The following FNTB variants were observed in gnomAD, a reference collection of about 807,000 sequenced individuals.
FNTB encodes farnesyltransferase, CAAX box, subunit beta.
A neutral mutation model predicts 59.4 loss-of-function variants in FNTB; 27 were observed. The ratio of observed to expected loss-of-function variants is 0.45; its 90% CI spans 0.34 to 0.63. FNTB has a LOEUF of 0.63. FNTB is among the 20% of genes least tolerant of loss of function. The pLI, the probability that FNTB is intolerant of heterozygous loss-of-function variation, is 0.02. For synonymous variants in FNTB, 230 were observed against 220.7 expected (o/e 1.04, Z -0.37); for missense variants, 449 against 559.6 (o/e 0.80, Z 1.99).
At chr14:65,042,004 T>C (rs1184225674) in intron 8 of FNTB, among the ~76,000 whole-genome samples, 1 of 152,194 alleles carries the variant, frequency 6.6e-6, no homozygotes, top group Non-Finnish European at 1.5e-5. Context: ...CTTGATATTT[T>C]TTTCTTTTAT....
rs529711994 is a variant in FNTB, at chr14:65,054,212, G to A, written c.1068-363G>A. ...ACTGCAGCCTTCACCTCTTGGGCTC[G>A]AGTGATCCTCCTGCTTCAGCCTCCC... On this transcript the variant is annotated intron_variant, in intron 10 of 11. Coordinates refer to ENST00000246166, the MANE Select transcript of FNTB (RefSeq NM_002028.4). The surrounding 1 kb of genome is among the most constrained non-coding windows in gnomAD (Gnocchi z 4.4). Among the ~76,000 whole-genome samples the A allele has an allele frequency of 1.1e-4, 17 of 152,088 alleles. No homozygotes were observed. Among genetic ancestry groups the A allele is most frequent in the Non-Finnish European group, 2.2e-4 (15 of 68,002 alleles).
chr14:65,061,060 T>C, intron 11 of FNTB, 121 bp from the exon 12 acceptor site: 1 of 1,486,086 alleles, frequency 6.7e-7, no homozygotes, highest in Non-Finnish European at 9.0e-7. Flanking sequence ...CCTTTGGGCT[T>C]TGTGTGTATC....
chr14:65,006,367 A>G lies in FNTB; in HGVS notation c.209+2054A>G, dbSNP rs532919128. Reference sequence around the variant, plus strand: ...CTAAACCAAATCTCTGCATTAACCCAATGCTCTGACCTCAATAAAATGAAT... The same window carrying G: ...CTAAACCAAATCTCTGCATTAACCCGATGCTCTGACCTCAATAAAATGAAT... On this transcript the variant is annotated intron_variant, in intron 2 of 11. Transcript: ENST00000246166. 1.9e-6 allele frequency: 3 copies of G among 1,578,310 alleles called. No homozygotes were observed. In the African/African-American group the frequency reaches 4.1e-5, roughly 22 times the overall value.
chr14:65,053,358 T>A lies in FNTB; in HGVS notation c.1067+9T>A. 7.1e-7 allele frequency: 1 copy of A among 1,414,996 alleles called. No individual in the cohort carries two copies. Among genetic ancestry groups the A allele is most frequent in the Non-Finnish European group, 9.3e-7 (1 of 1,075,584 alleles). 87.7% of individuals were successfully genotyped at this position (1,414,996 alleles called of 1,614,324 possible). A position where few individuals can be genotyped will look rare whatever the true frequency, so the allele number is the denominator to read the frequency against. On this transcript the variant is annotated intron_variant, in intron 10 of 11. Transcript: ENST00000246166. ...CTGGATAAACCTGGCAAGTGAGTGT[T>A]TTCTCTCTGGGGAGGGAAGGGAGAG...
chr14:65,031,235 GAAATA>G lies in FNTB; in HGVS notation c.606-1370_606-1366del, dbSNP rs2062075194. 6.6e-6 allele frequency among the ~76,000 whole-genome samples: 1 copy of G among 152,126 alleles called. No individual in the cohort carries two copies. The highest frequency in any genetic ancestry group is 1.5e-5 in the Non-Finnish European group (1 of 68,034). ...GTATACCATGACAGAGGGAGAAGCTGAAATAAAATGTGCCCCGAGAAGAATTAGGG... is the reference window on the plus strand; with the variant it reads ...GTATACCATGACAGAGGGAGAAGCTGAAATGTGCCCCGAGAAGAATTAGGG... On this transcript the variant is annotated intron_variant, in intron 6 of 11. Coordinates refer to ENST00000246166, the MANE Select transcript of FNTB (RefSeq NM_002028.4). The surrounding 1 kb of genome is among the most constrained non-coding windows in gnomAD (Gnocchi z 4.6).
At chr14:65,052,719 G>A (rs2062643364) in intron 9 of FNTB, among the ~76,000 whole-genome samples, 1 of 152,234 alleles carries the variant, frequency 6.6e-6, no homozygotes, top group South Asian at 2.1e-4. Flanking sequence ...TTTGAGCTGA[G>A]AGACAAGTTA....
intron 11 of FNTB, among the ~76,000 whole-genome samples, chr14:65,058,326 T>A (rs1051765461): frequency 1.3e-5 from 2 of 152,054 alleles, no homozygotes; most frequent in Non-Finnish European, 2.9e-5. Flanking sequence ...GAATCTTTTC[T>A]TATTTTCAGT....
At chr14:64,998,165 T>C (rs1220368499) in intron 1 of FNTB, among the ~76,000 whole-genome samples, 3 of 152,240 alleles carry the variant, frequency 2.0e-5, no homozygotes, top group Admixed American at 1.3e-4. Flanking sequence ...ATGAAGAAAG[T>C]ACTATTTGAG....
At position 65,026,881 on chromosome 14, in the gene FNTB, C is replaced by G. The variant is rs200768091; in HGVS notation, c.375-572C>G. 3.3e-5 allele frequency among the ~76,000 whole-genome samples: 5 copies of G among 151,424 alleles called. 1 individual carries two copies. The South Asian group carries it at 1.0e-3, about 32-fold the overall frequency. ...CGCCTCAAAAAAAAAAACAAAAAAA[C>G]AAAACTTGCTTCTTACTGGTGGAGT... On this transcript the variant is annotated intron_variant, in intron 4 of 11. Transcript: ENST00000246166.
At chr14:65,038,563 C>G (rs1259389291) in intron 7 of FNTB, among the ~76,000 whole-genome samples, 3 of 150,606 alleles carry the variant, frequency 2.0e-5, no homozygotes, top group African/African-American at 7.3e-5. Context: ...ACTAAAAATA[C>G]AAAAATTAGC....
intron 10 of FNTB, among the ~76,000 whole-genome samples, 162 bp downstream of exon 10, chr14:65,053,511 C>T (rs1365191720): frequency 1.3e-5 from 2 of 152,042 alleles, no homozygotes; most frequent in African/African-American, 4.8e-5. Context: ...TGGGAGCACC[C>T]CTTGAGGCCA....
Position 65,054,430 on chromosome 14 carries a change from T to G in FNTB, c.1068-145T>G. Reference sequence around the variant, plus strand: ...CAGCCAGTGGGGCTTTAAATAACACTGCTGGGAAAACCATGCCTCCTCTAG... The same window carrying G: ...CAGCCAGTGGGGCTTTAAATAACACGGCTGGGAAAACCATGCCTCCTCTAG... On this transcript the variant is annotated intron_variant, in intron 10 of 11. Coordinates refer to ENST00000246166, the MANE Select transcript of FNTB (RefSeq NM_002028.4). This position sits in a 1 kb window ranked among gnomAD's most constrained non-coding sequence, Gnocchi z 4.4. 1.3e-6 allele frequency: 1 copy of G among 782,966 alleles called. No individual in the cohort carries two copies. Among genetic ancestry groups the G allele is most frequent in the South Asian group, 1.7e-5 (1 of 58,018 alleles). The allele number at this position is 782,966 out of a possible 1,614,324, so 48.5% of individuals were successfully genotyped here. A position where few individuals can be genotyped will look rare whatever the true frequency, so the allele number is the denominator to read the frequency against.
At chr14:64,989,272 C>CAAA (rs58654871) in intron 1 of FNTB, among the ~76,000 whole-genome samples, 13 of 69,870 alleles carry the variant, frequency 1.9e-4, no homozygotes, top group Admixed American at 3.2e-4. Flanking sequence ...CTGTCTCTAC[C>CAAA]AAAAAAAAAA....
chr14:65,006,717 CT>C (rs1488294386), intron 2 of FNTB, among the ~76,000 whole-genome samples: 3 of 152,318 alleles, frequency 2.0e-5, no homozygotes, highest in African/African-American at 7.2e-5. Context: ...TTGACATTCC[CT>C]TTTCACTTAC....
At position 65,054,720 on chromosome 14, in the gene FNTB, C is replaced by T; in HGVS notation, c.1182+31C>T. The T allele has an allele frequency of 6.3e-7, 1 of 1,579,220 alleles. No homozygotes were observed. ...ACGGGTGCAGGGCTTCACACCCCTT[C>T]TCCACAGGGACCTCGCGGACAGAAG... is the stretch of plus-strand genomic sequence containing the variant. On this transcript the variant is annotated intron_variant, in intron 11 of 11. Transcript: ENST00000246166. This position sits in a 1 kb window ranked among gnomAD's most constrained non-coding sequence, Gnocchi z 4.4.
rs1312282299 is a variant in FNTB at position 65,009,252 on chromosome 14, GC to G, written c.210-3063del. The stretch of plus-strand genomic sequence containing the variant: ...GATTTATTTTTTCACATTTCTGGAG[GC>G]CAGAAGTCTAAGACCAAGGTGTCAG... On this transcript the variant is annotated intron_variant, in intron 2 of 11. Transcript: ENST00000246166. This position sits in a 1 kb window ranked among gnomAD's most constrained non-coding sequence, Gnocchi z 4.2. 6.6e-6 allele frequency among the ~76,000 whole-genome samples: 1 copy of G among 152,164 alleles called. No individual in the cohort carries two copies. Among genetic ancestry groups the G allele is most frequent in the Non-Finnish European group, 1.5e-5 (1 of 68,022 alleles).
In FNTB at chr14:65,061,304, A is replaced by T. The variant is rs757618028; in HGVS notation, c.1306A>T (p.Thr436Ser). ...GGATGAGACATCGGCAGAGCCTGCA[A>T]CCGACTAGAGGACCTGGGTCCCGGC... ...LKDETSAEPA[T>S]D The change falls in exon 12 of 12, where the codon ACC (threonine) becomes TCC (serine). Residue 436 changes from threonine (T) to serine (S), a missense_variant. Thr to Ser is a moderately conservative substitution (Grantham distance 58, BLOSUM62 1). Coordinates refer to ENST00000246166, the MANE Select transcript of FNTB (RefSeq NM_002028.4). The T allele has an allele frequency of 1.2e-6, 2 of 1,613,834 alleles. No individual in the cohort carries two copies. Among genetic ancestry groups the T allele is most frequent in the Non-Finnish European group, 1.7e-6 (2 of 1,180,002 alleles).
chr14:65,052,460 C>A (rs2062637859), intron 9 of FNTB, among the ~76,000 whole-genome samples: 1 of 152,134 alleles, frequency 6.6e-6, no homozygotes. Context: ...AGTGTACATC[C>A]TATATGTATA....
Position 65,054,040 on chromosome 14 carries a change from T to TA in FNTB, c.1068-528dup, listed in dbSNP as rs892496011. ...TACAGTTTCCTTTAATAGTTTAAGG[T>TA]AAAAAAAGAAAGAAAAGAAAAAAAA... On this transcript the variant is annotated intron_variant, in intron 10 of 11. Coordinates refer to ENST00000246166, the MANE Select transcript of FNTB (RefSeq NM_002028.4). This position sits in a 1 kb window ranked among gnomAD's most constrained non-coding sequence, Gnocchi z 4.4. Among the ~76,000 whole-genome samples, 9 of 152,202 alleles carry TA rather than the reference T, an allele frequency of 5.9e-5. No individual in the cohort carries two copies. The highest frequency in any genetic ancestry group is 2.1e-4 in the South Asian group (1 of 4,816).
Sources: gnomAD v4.1 joint callset for allele counts (sites outside exome capture counted in the v4.1 genomes callset) on GRCh38, gnomAD v4.1.1 for gene constraint, Gnocchi (gnomAD v3.1) non-coding constraint, MANE v1.5 for transcripts, NCBI Gene and HGNC (gene_info 2026-07-23, HGNC 2026-07-21) for gene names.